Variants in GPC5 observed in about 807,000 individuals in gnomAD.
GPC5 encodes glypican-5.
GPC5 carries 47 observed loss-of-function variants against 53.9 expected under a neutral mutation model. That is an observed-to-expected ratio of 0.87 (90% CI 0.69 to 1.11). The LOEUF (loss-of-function observed/expected upper bound fraction) is 1.11, where lower values mean the gene tolerates loss of function less well. GPC5 is among the 50% of genes most tolerant of loss of function. GPC5 has a pLI of 0.00. For missense variants in GPC5, 748 were observed against 713.1 expected (o/e 1.05, Z -0.56); for synonymous variants, 286 against 263.3 (o/e 1.09, Z -0.84).
intron 2 of GPC5, among the ~76,000 whole-genome samples, chr13:91,651,807 G>A (rs73609970): frequency 0.017 from 2,630 of 152,132 alleles, 84 homozygotes; most frequent in African/African-American, 0.06. Context: ...CTAAACATGT[G>A]TTTTCAAATG....
At position 92,335,255 on chromosome 13, in the gene GPC5, A is replaced by G. The variant is rs533990247; in HGVS notation, c.1561+190266A>G. Among the ~76,000 whole-genome samples, 3 of 152,212 alleles carry G rather than the reference A, an allele frequency of 2.0e-5. No individual in the cohort carries two copies. The East Asian group carries it at 5.8e-4, about 29-fold the overall frequency. ...TCTGTATACCTGCGAGACCCACACC[A>G]CATGGAAGCTGCCAAGGCTTGGGGC... On this transcript the variant is annotated intron_variant, in intron 7 of 7. Coordinates refer to ENST00000377067, the MANE Select transcript of GPC5 (RefSeq NM_004466.6).
At chr13:92,683,558 G>A (rs1441267409) in intron 7 of GPC5, among the ~76,000 whole-genome samples, 1 of 151,936 alleles carries the variant, frequency 6.6e-6, no homozygotes, top group African/African-American at 2.4e-5. Context: ...GATTGATGTG[G>A]GTTATTTCAA....
intron 2 of GPC5, among the ~76,000 whole-genome samples, chr13:91,521,818 C>T (rs1304745142): frequency 6.6e-6 from 1 of 152,164 alleles, no homozygotes; most frequent in Non-Finnish European, 1.5e-5. Flanking sequence ...CTGCCTCCCT[C>T]GACTTCAGAT....
At chr13:92,284,067 TC>T (rs200430385) in intron 7 of GPC5, among the ~76,000 whole-genome samples, 10,126 of 152,108 alleles carry the variant, frequency 0.067, 376 homozygotes, top group Non-Finnish European at 0.086. Context: ...TCACCACTGA[TC>T]CCACAGAAAT....
chr13:92,704,737 T>C (rs528849461), intron 7 of GPC5, among the ~76,000 whole-genome samples: 2 of 151,800 alleles, frequency 1.3e-5, no homozygotes, highest in Non-Finnish European at 2.9e-5. Flanking sequence ...ATCGGGCATA[T>C]GCAGATAATA....
chr13:91,632,133 G>A (rs954868826), intron 2 of GPC5, among the ~76,000 whole-genome samples: 16 of 152,232 alleles, frequency 1.1e-4, no homozygotes, highest in South Asian at 1.0e-3. Context: ...TTGAAAGATC[G>A]TAGTAGGTCC....
chr13:92,011,782 A>AC (rs2040663884), intron 6 of GPC5, among the ~76,000 whole-genome samples: 1 of 152,228 alleles, frequency 6.6e-6, no homozygotes, highest in African/African-American at 2.4e-5. Flanking sequence ...TAAAATGCTT[A>AC]TCAGTATATT....
intron 7 of GPC5, among the ~76,000 whole-genome samples, chr13:92,662,767 A>G (rs1022518666): frequency 7.9e-5 from 12 of 152,178 alleles, no homozygotes; most frequent in African/African-American, 2.4e-4. Flanking sequence ...TAGTAGCTCT[A>G]AAGTTTAGTT....
At chr13:91,477,987 GT>G (rs1028658548) in intron 2 of GPC5, among the ~76,000 whole-genome samples, 2 of 151,686 alleles carry the variant, frequency 1.3e-5, no homozygotes, top group African/African-American at 4.8e-5. Context: ...TCCAAGTTGT[GT>G]TTTTTTCATG....
intron 7 of GPC5, among the ~76,000 whole-genome samples, chr13:92,341,605 TAA>T (rs1399488282): frequency 4.6e-5 from 7 of 152,026 alleles, no homozygotes; most frequent in African/African-American, 1.7e-4. Context: ...TGTAGTAAAA[TAA>T]AGTTTGTATA....
At chr13:91,877,795 G>A (rs976581088) in intron 5 of GPC5, among the ~76,000 whole-genome samples, 6 of 152,108 alleles carry the variant, frequency 3.9e-5, no homozygotes, top group African/African-American at 1.4e-4. Context: ...GGAATGATAT[G>A]GTTTGGCTGT....
chr13:91,640,467 G>A (rs1392479079), intron 2 of GPC5, among the ~76,000 whole-genome samples: 4 of 152,142 alleles, frequency 2.6e-5, no homozygotes, highest in Non-Finnish European at 5.9e-5. Context: ...TTATTAAAAA[G>A]TCAAGAAACA....
chr13:92,263,843 T>C (rs1223564160), intron 7 of GPC5, among the ~76,000 whole-genome samples: 2 of 152,158 alleles, frequency 1.3e-5, no homozygotes, highest in African/African-American at 4.8e-5. Flanking sequence ...GACTAGCAAC[T>C]GGGTTTTTCC....
intron 5 of GPC5, among the ~76,000 whole-genome samples, chr13:91,769,462 T>C (rs1417512959): frequency 1.3e-5 from 2 of 152,154 alleles, no homozygotes; most frequent in African/African-American, 2.4e-5. Flanking sequence ...GCTAATGCCA[T>C]AGAAGTTGGG....
chr13:92,838,075 T>C (rs1185497233), intron 7 of GPC5, among the ~76,000 whole-genome samples: 1 of 146,048 alleles, frequency 6.8e-6, no homozygotes, highest in Non-Finnish European at 1.5e-5. Context: ...CAAAACTTCG[T>C]CTCAAAAAAT....
chr13:92,713,434 A>G (rs1566379094), intron 7 of GPC5, among the ~76,000 whole-genome samples: 1 of 150,366 alleles, frequency 6.7e-6, no homozygotes, highest in Non-Finnish European at 1.5e-5. Flanking sequence ...CTACTAAAAA[A>G]AAAAAAAAAA....
At chr13:91,526,879 G>A (rs1474481767) in intron 2 of GPC5, among the ~76,000 whole-genome samples, 1 of 152,134 alleles carries the variant, frequency 6.6e-6, no homozygotes, top group Non-Finnish European at 1.5e-5. Context: ...GAGCACAGGG[G>A]AAATTGACAC....
intron 7 of GPC5, among the ~76,000 whole-genome samples, chr13:92,372,443 C>T (rs749026875): frequency 5.3e-5 from 8 of 152,040 alleles, no homozygotes; most frequent in Non-Finnish European, 7.4e-5. Flanking sequence ...TAATTTTAAC[C>T]AAGCTTTTTA....
At chr13:91,500,127 T>G (rs1541138) in intron 2 of GPC5, among the ~76,000 whole-genome samples, 2 of 152,180 alleles carry the variant, frequency 1.3e-5, no homozygotes, top group African/African-American at 4.8e-5. Flanking sequence ...TCCACTCTTA[T>G]GCTCCTCATT....
Sources: gnomAD v4.1 joint callset for allele counts (sites outside exome capture counted in the v4.1 genomes callset) on GRCh38, gnomAD v4.1.1 for gene constraint, MANE v1.5 for transcripts, NCBI Gene and HGNC (gene_info 2026-07-23, HGNC 2026-07-21) for gene names.